Variants in WWOX observed in about 807,000 individuals in gnomAD.
WWOX encodes WW domain containing oxidoreductase, also known as WW domain-containing oxidoreductase.
Under a neutral mutation model 46.2 loss-of-function variants are expected in WWOX, and 69 were observed. That is an observed-to-expected ratio of 1.49 (90% CI 1.23 to 1.82). The LOEUF is 1.82. WWOX is among the 40% of genes most tolerant of loss of function. The pLI is 0.00. For missense variants in WWOX, 919 were observed against 542.6 expected, an observed-to-expected ratio of 1.69 and a Z score of -6.89; for synonymous variants, 359 against 202.6, an observed-to-expected ratio of 1.77 and a Z score of -6.56.
intron 8 of WWOX, among the ~76,000 whole-genome samples, chr16:79,141,522 C>G (rs2050088578): frequency 6.6e-6 from 1 of 152,220 alleles, no homozygotes. Flanking sequence ...CACCCGTTTT[C>G]AAGTCTCATT....
chr16:79,051,737 A>G (rs947279114), intron 8 of WWOX, among the ~76,000 whole-genome samples: 1 of 152,236 alleles, frequency 6.6e-6, no homozygotes, highest in Non-Finnish European at 1.5e-5. Context: ...TTTCCTCCCC[A>G]TCTAATTAGG....
intron 8 of WWOX, among the ~76,000 whole-genome samples, chr16:78,456,274 G>A (rs2083814519): frequency 6.6e-6 from 1 of 152,200 alleles, no homozygotes; most frequent in African/African-American, 2.4e-5. Context: ...GGCTGGAAGA[G>A]TTGACCACTT....
At chr16:78,911,063 C>A (rs1332972038) in intron 8 of WWOX, among the ~76,000 whole-genome samples, 2 of 151,946 alleles carry the variant, frequency 1.3e-5, no homozygotes, top group East Asian at 3.9e-4. Flanking sequence ...ACTTCCATCC[C>A]CATGTGTGGC....
chr16:79,207,531 A>T (rs145677535), intron 8 of WWOX, among the ~76,000 whole-genome samples: 5 of 152,194 alleles, frequency 3.3e-5, no homozygotes, highest in African/African-American at 1.2e-4. Flanking sequence ...TTGCTGTGCA[A>T]TGTCCCTGTA....
chr16:79,006,752 G>T (rs548003449), intron 8 of WWOX, among the ~76,000 whole-genome samples: 6 of 152,192 alleles, frequency 3.9e-5, no homozygotes, highest in Non-Finnish European at 8.8e-5. Flanking sequence ...CCGTTTCTTA[G>T]AGGTTGCCCA....
At chr16:79,014,190 T>C (rs1277248344) in intron 8 of WWOX, among the ~76,000 whole-genome samples, 1 of 152,176 alleles carries the variant, frequency 6.6e-6, no homozygotes, top group African/African-American at 2.4e-5. Context: ...TTGTCAAGTT[T>C]GAAAGGTTTT....
rs577060938 is a variant in WWOX at position 79,031,758 on chromosome 16, A to C, written c.1057-179850A>C. Among the ~76,000 whole-genome samples, 1,147 of 144,676 alleles carry C rather than the reference A, an allele frequency of 7.9e-3. 23 individuals are homozygous for C. The highest frequency in any genetic ancestry group is 0.027 in the African/African-American group (1,091 of 39,792). 94.9% of individuals were successfully genotyped at this position (144,676 alleles called of 152,430 possible). A position where few individuals can be genotyped will look rare whatever the true frequency, so the allele number is the denominator to read the frequency against. ...TCTCTCTCTGTCTCTTTCTTTCTATATATATATATAATATATAGAAAGATA... is the reference window on the plus strand; with the variant it reads ...TCTCTCTCTGTCTCTTTCTTTCTATCTATATATATAATATATAGAAAGATA... On this transcript the variant is annotated intron_variant, in intron 8 of 8. Transcript: ENST00000566780.
chr16:78,143,755 T>TTC (rs2034070171), intron 4 of WWOX, among the ~76,000 whole-genome samples: 2 of 148,518 alleles, frequency 1.3e-5, no homozygotes, highest in Middle Eastern at 3.5e-3. Context: ...TTGGTATGTT[T>TTC]TTTTTTTTTT....
chr16:78,454,793 A>C (rs1389374704), intron 8 of WWOX, among the ~76,000 whole-genome samples: 1 of 151,998 alleles, frequency 6.6e-6, no homozygotes, highest in East Asian at 1.9e-4. Context: ...CACCGTGCCC[A>C]CCTGTGTTTT....
chr16:78,952,414 G>A (rs1045612129), intron 8 of WWOX, among the ~76,000 whole-genome samples: 15 of 143,938 alleles, frequency 1.0e-4, no homozygotes, highest in African/African-American at 2.3e-4. Flanking sequence ...CAAAAGTCTC[G>A]CTCTGTCCCC....
At chr16:78,735,514 A>G (rs2049069985) in intron 8 of WWOX, among the ~76,000 whole-genome samples, 2 of 152,122 alleles carry the variant, frequency 1.3e-5, no homozygotes, top group South Asian at 4.2e-4. Flanking sequence ...ACTTATGCCG[A>G]TGTTAACTCT....
chr16:78,406,310 ATATATATATATATATATATAT>A lies in WWOX; in HGVS notation c.606-18559_606-18539del, dbSNP rs2082535853. Reference sequence around the variant, plus strand: ...TTACAGCATATAAATATAAATATATATATATATATATATATATATATATATATATATATATATATATATATT... The same window carrying A: ...TTACAGCATATAAATATAAATATATAATATATATATATATATATATATATT... On this transcript the variant is annotated intron_variant, in intron 6 of 8. Transcript: ENST00000566780. 4.8e-4 allele frequency among the ~76,000 whole-genome samples: 16 copies of A among 33,454 alleles called. 1 individual carries two copies. Among genetic ancestry groups the A allele is most frequent in the African/African-American group, 2.3e-3 (8 of 3,446 alleles). 21.9% of individuals were successfully genotyped at this position (33,454 alleles called of 152,430 possible). A position where few individuals can be genotyped will look rare whatever the true frequency, so the allele number is the denominator to read the frequency against.
intron 8 of WWOX, among the ~76,000 whole-genome samples, chr16:79,155,210 T>C (rs1158324771): frequency 6.6e-6 from 1 of 152,070 alleles, no homozygotes; most frequent in Non-Finnish European, 1.5e-5. Context: ...ACCCCATCTC[T>C]CCTAAAAATA....
chr16:78,789,821 G>A (rs368644553), intron 8 of WWOX, among the ~76,000 whole-genome samples: 12 of 152,248 alleles, frequency 7.9e-5, no homozygotes, highest in South Asian at 6.2e-4. Context: ...CCCTCCAGCT[G>A]TAGGGGATAT....
chr16:78,539,486 A>T (rs2043836604), intron 8 of WWOX, among the ~76,000 whole-genome samples: 1 of 152,254 alleles, frequency 6.6e-6, no homozygotes, highest in African/African-American at 2.4e-5. Context: ...TGCATCGATA[A>T]AAAGTGGAGA....
chr16:78,886,203 G>A (rs1419274229), intron 8 of WWOX, among the ~76,000 whole-genome samples: 1 of 150,172 alleles, frequency 6.7e-6, no homozygotes, highest in South Asian at 2.1e-4. Context: ...CGGATTACAG[G>A]CATGAACCAC....
intron 8 of WWOX, among the ~76,000 whole-genome samples, chr16:79,160,098 C>G (rs2050455985): frequency 6.6e-6 from 1 of 152,188 alleles, no homozygotes; most frequent in Non-Finnish European, 1.5e-5. Flanking sequence ...TGGCATCAAG[C>G]ACATTGTCTA....
intron 5 of WWOX, among the ~76,000 whole-genome samples, chr16:78,385,041 G>A (rs1330216278): frequency 6.6e-6 from 1 of 152,068 alleles, no homozygotes; most frequent in East Asian, 1.9e-4. Context: ...GGCTGAGGCA[G>A]GAGAATCGCT....
chr16:78,625,996 T>G (rs567883773), intron 8 of WWOX, among the ~76,000 whole-genome samples: 2 of 151,794 alleles, frequency 1.3e-5, no homozygotes, highest in Non-Finnish European at 2.9e-5. Context: ...CCTAATATTG[T>G]TATTACTTTT....
Sources: allele counts gnomAD v4.1 joint callset (sites outside exome capture counted in the v4.1 genomes callset), GRCh38; gene constraint gnomAD v4.1.1; transcripts MANE v1.5; gene names NCBI Gene and HGNC (gene_info 2026-07-23, HGNC 2026-07-21).